Variants in PPM1H observed in about 807,000 individuals in gnomAD.
PPM1H encodes the protein protein phosphatase 1H.
Under a neutral mutation model 54.9 loss-of-function variants are expected in PPM1H, and 27 were observed. That is an observed-to-expected ratio of 0.49 (90% CI 0.36 to 0.68). PPM1H has a LOEUF of 0.68. Among genes scored for constraint, PPM1H ranks in the 30% least tolerant of loss-of-function variants. The probability of loss-of-function intolerance (pLI) is 0.00; values close to 1 mark genes in which losing one functional copy is unlikely to be tolerated. For synonymous variants in PPM1H, 305 were observed against 270.8 expected (o/e 1.13, Z -1.24); for missense variants, 596 against 667.8 (o/e 0.89, Z 1.19).
At chr12:62,884,954 C>T (rs115352787) in intron 1 of PPM1H, among the ~76,000 whole-genome samples, 2,227 of 152,258 alleles carry the variant, frequency 0.015, 57 homozygotes, top group African/African-American at 0.051. Context: ...GATAAAGACA[C>T]ACCCGAGTCT....
At chr12:62,755,959 C>T in intron 4 of PPM1H, 1 of 951,102 alleles carries the variant, frequency 1.1e-6, no homozygotes, top group Non-Finnish European at 1.7e-6. Flanking sequence ...CAGTTGTGGG[C>T]CTGAACTGCT....
chr12:62,925,689 C>A (rs760988568), intron 1 of PPM1H, among the ~76,000 whole-genome samples: 1 of 152,196 alleles, frequency 6.6e-6, no homozygotes. Flanking sequence ...ACATGTAATA[C>A]TCATTTATTG....
At chr12:62,709,974 G>A (rs2076197730) in intron 6 of PPM1H, among the ~76,000 whole-genome samples, 1 of 152,112 alleles carries the variant, frequency 6.6e-6, no homozygotes, top group African/African-American at 2.4e-5. Flanking sequence ...GGAGGCCGAG[G>A]CAGGAGAATC....
intron 9 of PPM1H, among the ~76,000 whole-genome samples, chr12:62,649,429 T>C (rs1399044458): frequency 6.6e-6 from 1 of 152,130 alleles, no homozygotes; most frequent in Non-Finnish European, 1.5e-5. Context: ...GGAGAAAGAC[T>C]AACTTGGGAA....
chr12:62,722,117 A>T (rs749137445), intron 5 of PPM1H, among the ~76,000 whole-genome samples: 1 of 152,130 alleles, frequency 6.6e-6, no homozygotes. Context: ...GAAGCTCGTC[A>T]TGCCTACTGG....
At chr12:62,725,787 C>T (rs190058734) in intron 5 of PPM1H, among the ~76,000 whole-genome samples, 17 of 152,204 alleles carry the variant, frequency 1.1e-4, no homozygotes, top group African/African-American at 3.9e-4. Context: ...CATGTCATGC[C>T]TGTCCCCTGG....
At chr12:62,910,892 G>A (rs1044170776) in intron 1 of PPM1H, among the ~76,000 whole-genome samples, 21 of 152,286 alleles carry the variant, frequency 1.4e-4, no homozygotes, top group Middle Eastern at 6.8e-3. Flanking sequence ...GTACTCACAG[G>A]TGAACTGTTA....
At chr12:62,800,145 T>C (rs144238767) in intron 3 of PPM1H, among the ~76,000 whole-genome samples, 113 of 152,312 alleles carry the variant, frequency 7.4e-4, no homozygotes, top group Middle Eastern at 3.4e-3. Context: ...TATGAACTAT[T>C]TTTGCCTTAC....
intron 4 of PPM1H, chr12:62,755,997 C>A: frequency 7.3e-7 from 1 of 1,361,704 alleles, no homozygotes; most frequent in Non-Finnish European, 1.0e-6. Context: ...AATATGATGA[C>A]ATCAAGAAGG....
intron 8 of PPM1H, among the ~76,000 whole-genome samples, chr12:62,686,845 G>A (rs1333771773): frequency 6.6e-6 from 1 of 152,030 alleles, no homozygotes; most frequent in Non-Finnish European, 1.5e-5. Flanking sequence ...TTATCTACAT[G>A]TACTATGGAT....
intron 2 of PPM1H, among the ~76,000 whole-genome samples, chr12:62,828,157 T>C (rs1031892489): frequency 2.0e-5 from 3 of 152,188 alleles, no homozygotes; most frequent in Admixed American, 2.0e-4. Context: ...AGGGCATGTC[T>C]TCTAGATGGG....
chr12:62,736,011 C>T (rs2076347703), intron 5 of PPM1H, among the ~76,000 whole-genome samples: 2 of 152,132 alleles, frequency 1.3e-5, no homozygotes, highest in South Asian at 4.1e-4. Flanking sequence ...AGGATTCCAG[C>T]AAGGCCAAGA....
At chr12:62,667,364 T>A (rs2136612546) in intron 8 of PPM1H, 35 bp from the exon 9 acceptor site, 1 of 1,488,906 alleles carries the variant, frequency 6.7e-7, no homozygotes, top group African/African-American at 1.4e-5. Flanking sequence ...ACTTAAGAAA[T>A]TGGAAGCATA....
chr12:62,825,187 A>T (rs1868276678), intron 2 of PPM1H, among the ~76,000 whole-genome samples: 2 of 152,220 alleles, frequency 1.3e-5, no homozygotes, highest in Admixed American at 1.3e-4. Context: ...AACCACAATG[A>T]GATACCATCT....
At chr12:62,802,569 C>CTTTT (rs34384026) in intron 2 of PPM1H, among the ~76,000 whole-genome samples, 1 of 145,130 alleles carries the variant, frequency 6.9e-6, no homozygotes, top group African/African-American at 2.5e-5. Context: ...TAACTCCCGT[C>CTTTT]TTTTTTTTTT....
At chr12:62,906,757 G>A (rs188041630) in intron 1 of PPM1H, among the ~76,000 whole-genome samples, 1 of 152,294 alleles carries the variant, frequency 6.6e-6, no homozygotes, top group African/African-American at 2.4e-5. Flanking sequence ...CTACACAGTT[G>A]ATAAGAGTTC....
At chr12:62,843,327 A>G (rs1357068300) in intron 1 of PPM1H, among the ~76,000 whole-genome samples, 3 of 152,236 alleles carry the variant, frequency 2.0e-5, no homozygotes, top group Non-Finnish European at 4.4e-5. Context: ...AAAAAAACAA[A>G]CAAACAAACA....
chr12:62,869,699 A>G (rs1196927988), intron 1 of PPM1H, among the ~76,000 whole-genome samples: 1 of 152,170 alleles, frequency 6.6e-6, no homozygotes, highest in Non-Finnish European at 1.5e-5. Context: ...TTGGGATAAA[A>G]TTCAAAGTTC....
At chr12:62,874,128 A>T (rs1005991365) in intron 1 of PPM1H, among the ~76,000 whole-genome samples, 1 of 152,244 alleles carries the variant, frequency 6.6e-6, no homozygotes, top group Admixed American at 6.5e-5. Context: ...AAATGCAAGA[A>T]GCCACTGAAG....
Sources: allele counts gnomAD v4.1 joint callset (sites outside exome capture counted in the v4.1 genomes callset), GRCh38; gene constraint gnomAD v4.1.1; transcripts MANE v1.5; gene names NCBI Gene and HGNC (gene_info 2026-07-23, HGNC 2026-07-21).